USP9X: variants seen among roughly 807,000 people sequenced by gnomAD.
USP9X encodes the protein ubiquitin carboxyl-terminal hydrolase 9X.
A neutral mutation model predicts 190.3 loss-of-function variants in USP9X; 7 were observed. The observed-to-expected ratio is 0.04, with a 90% CI of 0.02 to 0.07. The LOEUF (loss-of-function observed/expected upper bound fraction) is 0.07. Among genes scored for constraint, USP9X ranks in the 10% least tolerant of loss-of-function variants. USP9X has a pLI of 1.00. For synonymous variants in USP9X, 645 were observed against 659.5 expected (o/e 0.98, Z 0.34); for missense variants, 1,010 against 1,916.9 (o/e 0.53, Z 8.83).
chrX:41,104,312 C>G (rs936059922), intron 1 of USP9X, among the ~76,000 whole-genome samples: 1 of 112,182 alleles, frequency 8.9e-6, no homozygotes, highest in African/African-American at 3.2e-5. Context: ...CTCAAGTGAT[C>G]TGCCCACCTC....
At chrX:41,194,914 A>G (rs113593288) in intron 26 of USP9X, among the ~76,000 whole-genome samples, 2 of 111,262 alleles carry the variant, frequency 1.8e-5, no homozygotes, top group South Asian at 7.6e-4. Flanking sequence ...AGTGAGATCT[A>G]TATAGTACAT....
chrX:41,100,252 C>G (rs990433513), intron 1 of USP9X, among the ~76,000 whole-genome samples: 1 of 112,319 alleles, frequency 8.9e-6, no homozygotes, highest in African/African-American at 3.2e-5. Context: ...GTGTGAGGAT[C>G]TATGAAATTG....
In USP9X at chrX:41,088,022, C is replaced by T. The variant is rs146088431; in HGVS notation, c.-159+1913C>T. On this transcript the variant is annotated intron_variant, in intron 1 of 44. Transcript: ENST00000378308. ...TTTGTTTGTTTGTTTTTTTGTCTGT[C>T]GCCCAGGCTGGAGTGCAGTGGCACG... Among the ~76,000 whole-genome samples the T allele has an allele frequency of 2.6e-4, 29 of 112,026 alleles. No homozygotes were observed. The East Asian group carries it at 7.8e-3, about 30-fold the overall frequency.
rs770638068 is a variant in USP9X, at chrX:41,228,863, A to AT, written c.7062-389dup. Reference sequence around the variant, plus strand: ...CCAGGCGCAGTGGCTCATGCCTGTAATCCCAGCACTTTGGGAGGCCGAGGC... The same window carrying AT: ...CCAGGCGCAGTGGCTCATGCCTGTAATTCCCAGCACTTTGGGAGGCCGAGGC... On this transcript the variant is annotated intron_variant, in intron 41 of 44. Transcript: ENST00000378308. The AT allele has an allele frequency of 3.8e-4, 44 of 115,428 alleles. No homozygotes were observed. The South Asian group carries it at 0.014, about 38-fold the overall frequency. 9.5% of individuals were successfully genotyped at this position (115,428 alleles called of 1,213,427 possible).
rs2063386198 is a variant in USP9X, at chrX:41,234,423, T to C, written c.*1899T>C. ...AGGGGCAGGTATTTAAGATAAAGCT[T>C]TGGGTATCTTATTTGTAGTACTGTA... On this transcript the variant is annotated 3_prime_UTR_variant, in exon 45 of 45. Transcript: ENST00000378308. The C allele has an allele frequency of 8.9e-6, 1 of 112,251 alleles. No homozygotes were observed. Among genetic ancestry groups the C allele is most frequent in the Admixed American group, 9.5e-5 (1 of 10,525 alleles). 9.3% of individuals were successfully genotyped at this position (112,251 alleles called of 1,213,427 possible).
At chrX:41,100,039 C>G (rs1230105909) in intron 1 of USP9X, among the ~76,000 whole-genome samples, 1 of 111,998 alleles carries the variant, frequency 8.9e-6, no homozygotes, top group Non-Finnish European at 1.9e-5. Flanking sequence ...TTTACCTACC[C>G]CCTTCCATTT....
At chrX:41,123,353 T>C in intron 1 of USP9X, 118 bp from the exon 2 acceptor site, 1 of 287,057 alleles carries the variant, frequency 3.5e-6, no homozygotes. Flanking sequence ...CTTTCTCTTC[T>C]TGTTTGTATA....
At chrX:41,226,546 A>G (rs1294399283) in intron 41 of USP9X, among the ~76,000 whole-genome samples, 1 of 112,419 alleles carries the variant, frequency 8.9e-6, no homozygotes, top group African/African-American at 3.2e-5. Flanking sequence ...AAGAGAAGTA[A>G]CAATCTGGAG....
At chrX:41,185,139 T>C (rs774510738) in intron 23 of USP9X, among the ~76,000 whole-genome samples, 1 of 112,235 alleles carries the variant, frequency 8.9e-6, no homozygotes, top group East Asian at 2.8e-4. Flanking sequence ...TTGATACTTA[T>C]TTATGAGAGA....
Position 41,153,162 on chromosome X carries a change from T to C in USP9X, c.1897+81T>C, listed in dbSNP as rs1160609567. 2.1e-5 allele frequency: 21 copies of C among 987,194 alleles called. No homozygotes were observed. In the Admixed American group the frequency reaches 5.2e-4, roughly 25 times the overall value. 81.4% of individuals were successfully genotyped at this position (987,194 alleles called of 1,213,427 possible). A position where few individuals can be genotyped will look rare whatever the true frequency, so the allele number is the denominator to read the frequency against. ...TTAATTACCTTAGAAATGTAAATCATGTTCCTTTATGGATTTAAGATCCAC... is the reference window on the plus strand; with the variant it reads ...TTAATTACCTTAGAAATGTAAATCACGTTCCTTTATGGATTTAAGATCCAC... On this transcript the variant is annotated intron_variant, in intron 14 of 44. Coordinates refer to ENST00000378308, the MANE Select transcript of USP9X (RefSeq NM_001039591.3).
At chrX:41,121,857 C>G (rs1017792804) in intron 1 of USP9X, among the ~76,000 whole-genome samples, 1 of 111,529 alleles carries the variant, frequency 9.0e-6, no homozygotes, top group Non-Finnish European at 1.9e-5. Flanking sequence ...GGCTACTGAT[C>G]TAATGAATAT....
intron 33 of USP9X, among the ~76,000 whole-genome samples, chrX:41,212,889 T>C (rs1412916288): frequency 8.9e-6 from 1 of 112,105 alleles, no homozygotes; most frequent in Admixed American, 9.4e-5. Flanking sequence ...TCACTTAGCC[T>C]AGGCAACTTT....
chrX:41,230,010 G>C, intron 43 of USP9X: 4 of 470,323 alleles, frequency 8.5e-6, no homozygotes, highest in Non-Finnish European at 1.3e-5. Context: ...AGACCAGCCT[G>C]GCCAACAAGG....
rs376350648 is a variant in USP9X at position 41,216,608 on chromosome X, A to G, written c.6041A>G (p.Lys2014Arg). The change falls in exon 35 of 45, where the codon AAA becomes AGA. Residue 2014 changes from lysine (K) to arginine (R), a missense_variant. Physicochemically the swap from Lys to Arg is conservative, Grantham distance 26. Transcript: ENST00000378308. ...QYSMEYFQFM[K>R]KLLTCNGVYL... ...AGTATGGAGTATTTTCAGTTTATGAAAAAACTGCTTACATGTAATGGCGTT... is the reference window on the plus strand; with the variant it reads ...AGTATGGAGTATTTTCAGTTTATGAGAAAACTGCTTACATGTAATGGCGTT... 2.5e-6 allele frequency: 3 copies of G among 1,209,371 alleles called. No individual in the cohort carries two copies. In the African/African-American group the frequency reaches 5.2e-5, roughly 21 times the overall value.
chrX:41,123,540 A>C lies in USP9X; in HGVS notation c.-89A>C. On this transcript the variant is annotated 5_prime_UTR_variant, in exon 2 of 45. Coordinates refer to ENST00000378308, the MANE Select transcript of USP9X (RefSeq NM_001039591.3). ...CTTTTTAAGACTGACAAATGCTGGT[A>C]CTTCATCTTCTATAAGTGGACTATA... 1 of 740,887 alleles carries C rather than the reference A, an allele frequency of 1.3e-6. No homozygotes were observed. Among genetic ancestry groups the C allele is most frequent in the Non-Finnish European group, 2.1e-6 (1 of 484,822 alleles). The allele number at this position is 740,887 out of a possible 1,213,427, so 61.1% of individuals were successfully genotyped here. A position where few individuals can be genotyped will look rare whatever the true frequency, so the allele number is the denominator to read the frequency against.
rs1205949000 is a variant in USP9X at position 41,171,885 on chromosome X, A to C, written c.3075A>C (p.Ala1025=). The change falls in exon 21 of 45, where the codon GCA becomes GCC. Residue 1025 remains alanine, a synonymous_variant. Coordinates refer to ENST00000378308, the MANE Select transcript of USP9X (RefSeq NM_001039591.3). ...PRYISFLWQV[A]DLGSSLNMPP... ...ACATCTCTTTTCTTTGGCAAGTTGC[A>C]GACTTAGGTAGCAGCCTAAATATGC... is the stretch of plus-strand genomic sequence containing the variant. The C allele has an allele frequency of 1.7e-6, 2 of 1,208,973 alleles. No individual in the cohort carries two copies. Among genetic ancestry groups the C allele is most frequent in the African/African-American group, 3.5e-5 (2 of 57,121 alleles).
intron 1 of USP9X, among the ~76,000 whole-genome samples, chrX:41,092,170 G>A (rs1469680345): frequency 9.0e-6 from 1 of 111,545 alleles, no homozygotes; most frequent in Admixed American, 9.5e-5. Flanking sequence ...GCTGGTGATC[G>A]TGCATATTAG....
At chrX:41,142,446 C>T (rs1369672469) in intron 9 of USP9X, among the ~76,000 whole-genome samples, 1 of 111,279 alleles carries the variant, frequency 9.0e-6, no homozygotes, top group African/African-American at 3.3e-5. Flanking sequence ...TAAGACCAGC[C>T]TGGGCAACAA....
intron 3 of USP9X, among the ~76,000 whole-genome samples, chrX:41,131,013 A>G (rs897757140): frequency 7.3e-5 from 8 of 109,391 alleles, no homozygotes; most frequent in Non-Finnish European, 1.3e-4. Context: ...GGCGTGAGCC[A>G]CTGCTCCCGG....
Sources: allele counts gnomAD v4.1 joint callset (sites outside exome capture counted in the v4.1 genomes callset), GRCh38; gene constraint gnomAD v4.1.1; transcripts MANE v1.5; gene names NCBI Gene and HGNC (gene_info 2026-07-23, HGNC 2026-07-21).